CLASP1: variants seen among roughly 807,000 people sequenced by gnomAD.
The protein encoded by CLASP1 is cytoplasmic linker associated protein 1.
In CLASP1, 38 loss-of-function variants were observed where a neutral mutation model predicts 192.3. The observed-to-expected ratio is 0.20, with a 90% CI of 0.15 to 0.26. CLASP1 has a LOEUF of 0.26. Among genes scored for constraint, CLASP1 ranks in the 10% least tolerant of loss-of-function variants. CLASP1 has a pLI of 1.00. For missense variants in CLASP1, 1,433 were observed against 1,932.5 expected (o/e 0.74, Z 4.85); for synonymous variants, 691 against 712.8 (o/e 0.97, Z 0.49).
chr2:121,387,449 T>C (rs574768552), intron 31 of CLASP1, among the ~76,000 whole-genome samples: 1 of 152,180 alleles, frequency 6.6e-6, no homozygotes, highest in South Asian at 2.1e-4. Flanking sequence ...TGATGTTGGG[T>C]GTGCTAGAGT....
At chr2:121,407,008 G>C (rs1195233467) in intron 25 of CLASP1, among the ~76,000 whole-genome samples, 2 of 152,156 alleles carry the variant, frequency 1.3e-5, no homozygotes, top group Non-Finnish European at 2.9e-5. Context: ...ACGAGGTCAG[G>C]AGTTCAAGAC....
At chr2:121,562,723 C>T (rs778687235) in intron 2 of CLASP1, among the ~76,000 whole-genome samples, 4 of 152,088 alleles carry the variant, frequency 2.6e-5, no homozygotes, top group African/African-American at 4.8e-5. Context: ...GGCTTTTGTC[C>T]TCTGGGGTTT....
chr2:121,579,366 A>G (rs1183058318), intron 2 of CLASP1, among the ~76,000 whole-genome samples: 1 of 152,224 alleles, frequency 6.6e-6, no homozygotes, highest in African/African-American at 2.4e-5. Context: ...TCATCCTTTT[A>G]AAGTGTACAA....
intron 35 of CLASP1, among the ~76,000 whole-genome samples, chr2:121,367,223 C>T (rs140556900): frequency 5.4e-4 from 83 of 152,322 alleles, no homozygotes; most frequent in African/African-American, 1.9e-3. Flanking sequence ...GCTGAGCCCG[C>T]GCTCGCCATC....
chr2:121,352,079 TG>T (rs2064542729), intron 37 of CLASP1, among the ~76,000 whole-genome samples: 1 of 152,152 alleles, frequency 6.6e-6, no homozygotes, highest in African/African-American at 2.4e-5. Context: ...CATGAGGGTG[TG>T]GAGACCCAGG....
intron 1 of CLASP1, among the ~76,000 whole-genome samples, chr2:121,617,742 C>A (rs1478668487): frequency 1.3e-5 from 2 of 152,208 alleles, no homozygotes; most frequent in South Asian, 2.1e-4. Context: ...CATCTCTACC[C>A]ACCTTCCAGA....
rs896255120 is a variant in CLASP1, at chr2:121,480,280, A to G, written c.713-10320T>C. ...TGAACTGTGAGGAGGGCAGAAAGCC[A>G]ATTTCCACAGATGCCTGCTCCTTAA... On this transcript the variant is annotated intron_variant, in intron 8 of 39. Coordinates refer to ENST00000263710, the Ensembl canonical transcript of CLASP1. Among the ~76,000 whole-genome samples, 21 of 152,222 alleles carry G rather than the reference A, an allele frequency of 1.4e-4. 1 individual carries two copies. Among genetic ancestry groups the G allele is most frequent in the Admixed American group, 1.4e-3 (21 of 15,282 alleles).
chr2:121,433,216 G>A (rs1342461481), intron 19 of CLASP1, among the ~76,000 whole-genome samples: 1 of 151,824 alleles, frequency 6.6e-6, no homozygotes, highest in African/African-American at 2.4e-5. Context: ...CAGCTACTTG[G>A]AAGGCTGAGG....
At chr2:121,491,487 G>A (rs1205397103) in intron 8 of CLASP1, among the ~76,000 whole-genome samples, 1 of 152,168 alleles carries the variant, frequency 6.6e-6, no homozygotes, top group Admixed American at 6.5e-5. Context: ...ACACTGAGTA[G>A]TCCATAATTA....
chr2:121,408,903 C>T (rs1349185292), intron 24 of CLASP1: 12 of 790,988 alleles, frequency 1.5e-5, no homozygotes, highest in Non-Finnish European at 2.3e-5. Context: ...TATGATTCAA[C>T]AAAATCATAT....
intron 16 of CLASP1, among the ~76,000 whole-genome samples, chr2:121,450,327 T>C (rs1393227854): frequency 1.4e-5 from 2 of 146,042 alleles, no homozygotes; most frequent in Non-Finnish European, 3.0e-5. Flanking sequence ...TGAGACTCTA[T>C]CTCAAAAAAA....
At chr2:121,404,865 T>C (rs1559059451) in intron 25 of CLASP1, among the ~76,000 whole-genome samples, 1 of 152,190 alleles carries the variant, frequency 6.6e-6, no homozygotes, top group Non-Finnish European at 1.5e-5. Flanking sequence ...GTTTTCCACA[T>C]GCTACAACTG....
At chr2:121,571,315 G>A (rs952759475) in intron 2 of CLASP1, among the ~76,000 whole-genome samples, 3 of 151,986 alleles carry the variant, frequency 2.0e-5, no homozygotes, top group African/African-American at 7.3e-5. Context: ...AGCTGGGATT[G>A]TAGGTGTGTG....
At chr2:121,588,939 G>T (rs1220621535) in intron 2 of CLASP1, among the ~76,000 whole-genome samples, 1 of 152,200 alleles carries the variant, frequency 6.6e-6, no homozygotes, top group Non-Finnish European at 1.5e-5. Flanking sequence ...TAGGCTGAGG[G>T]TTTATGGGGA....
chr2:121,548,454 G>T (rs1452465137), intron 2 of CLASP1, among the ~76,000 whole-genome samples: 1 of 152,184 alleles, frequency 6.6e-6, no homozygotes, highest in Non-Finnish European at 1.5e-5. Context: ...ATCCCTGAAA[G>T]GGAGAAGAAA....
intron 18 of CLASP1, 90 bp downstream of exon 18, chr2:121,448,185 GT>G: frequency 9.2e-7 from 1 of 1,084,862 alleles, no homozygotes; most frequent in Non-Finnish European, 1.4e-6. Flanking sequence ...AGGGCAGGCC[GT>G]TGGCCTCCTG....
intron 2 of CLASP1, among the ~76,000 whole-genome samples, chr2:121,540,131 G>A (rs1372591550): frequency 1.3e-5 from 2 of 152,202 alleles, no homozygotes; most frequent in African/African-American, 4.8e-5. Flanking sequence ...TATAACAGGT[G>A]AAATGTGCAA....
intron 1 of CLASP1, among the ~76,000 whole-genome samples, chr2:121,612,114 G>T (rs1186226651): frequency 6.7e-6 from 1 of 148,270 alleles, no homozygotes; most frequent in African/African-American, 2.5e-5. Flanking sequence ...AACTGGAGGA[G>T]GAGGAGGAGT....
chr2:121,609,811 C>T (rs113104570), intron 1 of CLASP1, among the ~76,000 whole-genome samples: 1 of 152,108 alleles, frequency 6.6e-6, no homozygotes, highest in African/African-American at 2.4e-5. Flanking sequence ...CATGGTGGCA[C>T]GTGCCTGTAA....
Sources: gnomAD v4.1 joint callset for allele counts (sites outside exome capture counted in the v4.1 genomes callset) on GRCh38, gnomAD v4.1.1 for gene constraint, MANE v1.5 for transcripts, NCBI Gene and HGNC (gene_info 2026-07-23, HGNC 2026-07-21) for gene names.